ZNF292: variants seen among roughly 807,000 people sequenced by gnomAD.
ZNF292 encodes zinc finger protein 292, also known as 16 zinc-finger domain protein.
Under a neutral mutation model 217.9 loss-of-function variants are expected in ZNF292, and 26 were observed. That is an observed-to-expected ratio of 0.12 (90% CI 0.09 to 0.17). The LOEUF (loss-of-function observed/expected upper bound fraction) is 0.17, where lower values mean the gene tolerates loss of function less well. Ranked by LOEUF, ZNF292 falls within the 10% of genes least tolerant of loss-of-function variation. The probability of loss-of-function intolerance (pLI) is 1.00; values close to 1 mark genes in which losing one functional copy is unlikely to be tolerated. For synonymous variants in ZNF292, 1,257 were observed against 1,124.1 expected, an observed-to-expected ratio of 1.12 and a Z score of -2.37; for missense variants, 2,904 against 3,175.2, an observed-to-expected ratio of 0.91 and a Z score of 2.05.
At chr6:87,203,342 C>G (rs533038138) in intron 1 of ZNF292, among the ~76,000 whole-genome samples, 99 of 151,624 alleles carry the variant, frequency 6.5e-4, no homozygotes, top group Non-Finnish European at 1.0e-3. Flanking sequence ...AGGGTTTTGC[C>G]GTGTTGCCCA....
At chr6:87,228,982 T>A (rs1181644051) in intron 4 of ZNF292, among the ~76,000 whole-genome samples, 1 of 152,144 alleles carries the variant, frequency 6.6e-6, no homozygotes, top group African/African-American at 2.4e-5. Flanking sequence ...AGAGATTGTG[T>A]TAAGTCTATA....
Position 87,259,073 on chromosome 6 carries a change from T to C in ZNF292, c.5444T>C (p.Phe1815Ser). ...KLPDSSPFSS[F>S]ISVMPTKSNI... Reference sequence around the variant, plus strand: ...CCCGATTCTTCTCCGTTTTCCTCCTTTATAAGTGTCATGCCAACAAAAAGT... The same window carrying C: ...CCCGATTCTTCTCCGTTTTCCTCCTCTATAAGTGTCATGCCAACAAAAAGT... Residue 1815 changes from phenylalanine (F) to serine (S), a missense_variant, in exon 8 of 8, where the codon TTT becomes TCT. By Grantham distance (155) the Phe-to-Ser change is radical. Coordinates refer to ENST00000369577, the MANE Select transcript of ZNF292 (RefSeq NM_015021.3). 6.2e-7 allele frequency: 1 copy of C among 1,613,302 alleles called. No homozygotes were observed. The highest frequency in any genetic ancestry group is 8.5e-7 in the Non-Finnish European group (1 of 1,179,616).
rs376564177 is a variant in ZNF292, at chr6:87,260,710, C to T, written c.7081C>T (p.Arg2361Cys). 12 of 1,612,966 alleles carry T rather than the reference C, an allele frequency of 7.4e-6. No homozygotes were observed. Among genetic ancestry groups the T allele is most frequent in the African/African-American group, 1.3e-5 (1 of 74,848 alleles). ...AGAAAATAAGCCTTATTCTCTGAAA[C>T]GTGGGAAGCATGTATATTCTATAAA... is the stretch of plus-strand genomic sequence containing the variant. ...IEENKPYSLK[R>C]GKHVYSIKAR... Residue 2361 changes from arginine to cysteine, a missense_variant, in exon 8 of 8, where the codon CGT becomes TGT. Arg to Cys is a radical substitution (Grantham distance 180, BLOSUM62 -3). Transcript: ENST00000369577.
rs71763831 is a variant in ZNF292 at position 87,238,615 on chromosome 6, G to GT, written c.742-4849dup. On this transcript the variant is annotated intron_variant, in intron 5 of 7. Transcript: ENST00000369577. ...GAGTGCCTTAGGTTTTATTTTTTTG[G>GT]TTTTTTTTTTTCAGTAAGTATTTAT... is the stretch of plus-strand genomic sequence containing the variant. Among the ~76,000 whole-genome samples, 705 of 137,904 alleles carry GT rather than the reference G, an allele frequency of 5.1e-3. 4 individuals carry two copies. Among genetic ancestry groups the GT allele is most frequent in the African/African-American group, 0.014 (533 of 37,748 alleles). The allele number at this position is 137,904 out of a possible 152,430, so 90.5% of individuals were successfully genotyped here. A position where few individuals can be genotyped will look rare whatever the true frequency, so the allele number is the denominator to read the frequency against.
At chr6:87,186,725 T>C (rs559855478) in intron 1 of ZNF292, among the ~76,000 whole-genome samples, 1 of 152,092 alleles carries the variant, frequency 6.6e-6, no homozygotes, top group East Asian at 1.9e-4. Context: ...GCCTGGGCGA[T>C]AGAACAAGAC....
chr6:87,254,649 G>T lies in ZNF292; in HGVS notation c.1021-1G>T. On this transcript the variant is annotated splice_acceptor_variant, in intron 7 of 7. Transcript: ENST00000369577. LOFTEE classifies it high-confidence loss of function. ...AACATTTCCTATTTGCTTTTTCACA[G>T]ACTGAAGGGGCTGGACTTGCTACCT... 1 of 1,587,954 alleles carries T rather than the reference G, an allele frequency of 6.3e-7. No individual in the cohort carries two copies. Among genetic ancestry groups the T allele is most frequent in the South Asian group, 1.1e-5 (1 of 88,404 alleles).
intron 4 of ZNF292, chr6:87,223,648 T>C (rs1773203883): frequency 6.6e-6 from 1 of 152,206 alleles, no homozygotes; most frequent in Non-Finnish European, 1.5e-5. Flanking sequence ...TATGGCCTTA[T>C]ATATATTTAT....
At chr6:87,184,186 A>G (rs1338829794) in intron 1 of ZNF292, among the ~76,000 whole-genome samples, 2 of 152,254 alleles carry the variant, frequency 1.3e-5, no homozygotes. Flanking sequence ...GAAAGATAGC[A>G]TAGCTAATTG....
In ZNF292 at chr6:87,244,260, T is replaced by C. The variant is rs565426175; in HGVS notation, c.878+649T>C. Among the ~76,000 whole-genome samples, 28 of 152,304 alleles carry C rather than the reference T, an allele frequency of 1.8e-4. 2 individuals are homozygous for C. Among genetic ancestry groups the C allele is most frequent in the African/African-American group, 6.3e-4 (26 of 41,574 alleles). On this transcript the variant is annotated intron_variant, in intron 6 of 7. Transcript: ENST00000369577. The stretch of plus-strand genomic sequence containing the variant: ...TGTAATCAATAAAGATTGAAGCTTA[T>C]AAAGGATTTCTGAGCATTGAGCCTC...
chr6:87,257,525 C>T lies in ZNF292; in HGVS notation c.3896C>T (p.Ser1299Leu). 2 of 1,608,768 alleles carry T rather than the reference C, an allele frequency of 1.2e-6. No individual in the cohort carries two copies. Among genetic ancestry groups the T allele is most frequent in the Non-Finnish European group, 1.7e-6 (2 of 1,177,220 alleles). ...GAAAATAATACAAATCATTATTCCT[C>T]ACAGATTGAAGGAAACACTAATTCC... Reference protein sequence around the residue: ...QLENNTNHYSSQIEGNTNSSF... With the variant: ...QLENNTNHYSLQIEGNTNSSF... Residue 1299 changes from serine to leucine, a missense_variant, in exon 8 of 8, where the codon TCA becomes TTA. This residue lies in a region of ZNF292 where 687 missense variants were observed against 623.0 expected (regional missense o/e 1.10). Coordinates refer to ENST00000369577, the MANE Select transcript of ZNF292 (RefSeq NM_015021.3).
chr6:87,227,898 A>G (rs1773438060), intron 4 of ZNF292, among the ~76,000 whole-genome samples: 2 of 152,222 alleles, frequency 1.3e-5, no homozygotes, highest in Admixed American at 6.5e-5. Context: ...TAGTGCTACT[A>G]TAAACATGGG....
chr6:87,244,850 T>A (rs530429703), intron 6 of ZNF292, among the ~76,000 whole-genome samples: 1 of 152,100 alleles, frequency 6.6e-6, no homozygotes, highest in African/African-American at 2.4e-5. Flanking sequence ...TATATACACA[T>A]GCACACACAT....
intron 7 of ZNF292, among the ~76,000 whole-genome samples, chr6:87,246,873 G>C (rs982912328): frequency 6.6e-6 from 1 of 151,988 alleles, no homozygotes; most frequent in African/African-American, 2.4e-5. Context: ...AAAGCAGGCC[G>C]GACGGACATG....
At chr6:87,184,112 C>A (rs945724017) in intron 1 of ZNF292, among the ~76,000 whole-genome samples, 2 of 152,158 alleles carry the variant, frequency 1.3e-5, no homozygotes, top group Admixed American at 1.3e-4. Flanking sequence ...ATGCATATAA[C>A]GAATTAGAAC....
chr6:87,259,879 A>G lies in ZNF292; in HGVS notation c.6250A>G (p.Arg2084Gly). The G allele has an allele frequency of 6.2e-7, 1 of 1,613,542 alleles. No individual in the cohort carries two copies. Among genetic ancestry groups the G allele is most frequent in the South Asian group, 1.1e-5 (1 of 91,058 alleles). The change falls in exon 8 of 8, where the codon AGG (arginine) becomes GGG (glycine). Residue 2084 changes from arginine to glycine, a missense_variant. Coordinates refer to ENST00000369577, the MANE Select transcript of ZNF292 (RefSeq NM_015021.3). ...NTQTKGRKIR[R>G]HKKEKEEKKR... ...ACAAACCAAAGGACGGAAGATTAGG[A>G]GGCATAAAAAAGAAAAGGAGGAGAA...
In ZNF292 at chr6:87,190,621, G is replaced by A. The variant is rs928551428; in HGVS notation, c.169-25282G>A. ...CTTGCGTAGCTGGGACTACAGGTGC[G>A]TGCCACCACACCCAGCTAATTTTTG... On this transcript the variant is annotated intron_variant, in intron 1 of 7. Coordinates refer to ENST00000369577, the MANE Select transcript of ZNF292 (RefSeq NM_015021.3). 3.9e-5 allele frequency among the ~76,000 whole-genome samples: 6 copies of A among 152,056 alleles called. No homozygotes were observed. The East Asian group carries it at 9.7e-4, about 25-fold the overall frequency.
intron 1 of ZNF292, among the ~76,000 whole-genome samples, chr6:87,208,755 G>T (rs1384164315): frequency 6.6e-6 from 1 of 152,102 alleles, no homozygotes; most frequent in Non-Finnish European, 1.5e-5. Flanking sequence ...ACAAATAAGG[G>T]GGTCTAGTTT....
chr6:87,219,018 T>A (rs760927833), intron 4 of ZNF292, among the ~76,000 whole-genome samples: 2 of 152,210 alleles, frequency 1.3e-5, no homozygotes, highest in Admixed American at 1.3e-4. Flanking sequence ...CAGTTTATAT[T>A]TGATAATTTA....
chr6:87,210,046 C>T (rs1772417384), intron 1 of ZNF292, among the ~76,000 whole-genome samples: 1 of 152,072 alleles, frequency 6.6e-6, no homozygotes, highest in Admixed American at 6.6e-5. Context: ...ATGTAACACC[C>T]CCGCGGTTTT....
Sources: gnomAD v4.1 joint callset for allele counts (sites outside exome capture counted in the v4.1 genomes callset) on GRCh38, gnomAD v4.1.1 for gene constraint, gnomAD v4.1.1 regional missense constraint, MANE v1.5 for transcripts, NCBI Gene and HGNC (gene_info 2026-07-23, HGNC 2026-07-21) for gene names.